PRUNE2: variants seen among roughly 807,000 people sequenced by gnomAD.
PRUNE2 encodes protein prune homolog 2.
Under a neutral mutation model 252.0 loss-of-function variants are expected in PRUNE2, and 164 were observed. The observed-to-expected ratio is 0.65, with a 90% CI of 0.57 to 0.74. The LOEUF is 0.74. Ranked by LOEUF, PRUNE2 falls within the 30% of genes least tolerant of loss-of-function variation. The probability of loss-of-function intolerance (pLI) is 0.00; values close to 1 mark genes in which losing one functional copy is unlikely to be tolerated. For synonymous variants in PRUNE2, 1,292 were observed against 1,350.2 expected (o/e 0.96, Z 0.94); for missense variants, 3,495 against 3,711.0 (o/e 0.94, Z 1.51).
chr9:76,756,852 GC>G (rs922984384), intron 6 of PRUNE2, among the ~76,000 whole-genome samples: 1 of 103,946 alleles, frequency 9.6e-6, no homozygotes, highest in African/African-American at 3.8e-5. Flanking sequence ...CCCGTGCCCT[GC>G]CCCCCCGTGA....
intron 6 of PRUNE2, among the ~76,000 whole-genome samples, chr9:76,794,530 G>A (rs895372464): frequency 2.0e-5 from 3 of 150,496 alleles, no homozygotes; most frequent in African/African-American, 4.9e-5. Flanking sequence ...CAAGAGAATC[G>A]CTTGAATCTC....
chr9:76,721,064 T>A (rs572289639), intron 6 of PRUNE2, among the ~76,000 whole-genome samples: 21 of 152,284 alleles, frequency 1.4e-4, no homozygotes, highest in African/African-American at 4.8e-4. Flanking sequence ...ATCGCACCAC[T>A]GCACTCCAGC....
At chr9:76,880,501 T>C (rs986197955) in intron 1 of PRUNE2, among the ~76,000 whole-genome samples, 1 of 152,208 alleles carries the variant, frequency 6.6e-6, no homozygotes, top group Non-Finnish European at 1.5e-5. Flanking sequence ...ATCTATCAAA[T>C]TATGCTAGTA....
chr9:76,730,213 T>C (rs937611530), intron 6 of PRUNE2, among the ~76,000 whole-genome samples: 1 of 152,220 alleles, frequency 6.6e-6, no homozygotes. Flanking sequence ...GCTGTCAGCA[T>C]TCAGCTAAGG....
intron 1 of PRUNE2, among the ~76,000 whole-genome samples, chr9:76,901,227 C>CA (rs1213932606): frequency 3.9e-5 from 6 of 152,106 alleles, no homozygotes; most frequent in African/African-American, 1.2e-4. Context: ...ACTCCAGGAC[C>CA]AAAAAAATCA....
At chr9:76,852,802 GTCTGTCTA>G (rs1387919808) in intron 2 of PRUNE2, among the ~76,000 whole-genome samples, 91 of 150,490 alleles carry the variant, frequency 6.0e-4, no homozygotes, top group Admixed American at 1.3e-3. Context: ...CCATCTGTCT[GTCTGTCTA>G]TCTATCTATC....
chr9:76,735,011 C>A (rs2048953573), intron 6 of PRUNE2, among the ~76,000 whole-genome samples: 1 of 151,868 alleles, frequency 6.6e-6, no homozygotes, highest in Non-Finnish European at 1.5e-5. Context: ...AAAAGGCAAG[C>A]CCTGGAGCTA....
intron 4 of PRUNE2, among the ~76,000 whole-genome samples, chr9:76,841,696 G>T (rs1341130512): frequency 6.6e-6 from 1 of 152,206 alleles, no homozygotes; most frequent in African/African-American, 2.4e-5. Context: ...TTCAGACTGG[G>T]CAGAGCCCAC....
intron 14 of PRUNE2, 74 bp from the exon 15 acceptor site, chr9:76,636,631 C>T (rs1840181800): frequency 2.5e-6 from 2 of 796,936 alleles, no homozygotes; most frequent in African/African-American, 3.5e-5. Context: ...AAAACATATT[C>T]CTAAATAAGA....
chr9:76,774,450 C>CTTTTTTTATTTTTTTTTTTATT (rs1564272256), intron 6 of PRUNE2, among the ~76,000 whole-genome samples: 1 of 41,400 alleles, frequency 2.4e-5, no homozygotes, highest in Non-Finnish European at 3.9e-5. Context: ...CAGTTCAACC[C>CTTTTTTTATTTTTTTTTTTATT]TTTTTTTTTT....
At chr9:76,640,186 C>T (rs1841969509) in intron 12 of PRUNE2, among the ~76,000 whole-genome samples, 1 of 152,154 alleles carries the variant, frequency 6.6e-6, no homozygotes, top group Admixed American at 6.5e-5. Flanking sequence ...CCTCCCAGAA[C>T]CCAACGTGTT....
rs114028009 is a variant in PRUNE2, at chr9:76,691,887, G to A, written c.8276+11450C>T. ...AAGCTTTTCTAGGATGAGTGGATAC[G>A]GAATAAAATGCAGCTGGCAGCTGTC... On this transcript the variant is annotated intron_variant, in intron 9 of 18. Transcript: ENST00000376718. 2.7e-3 allele frequency: 1,608 copies of A among 586,196 alleles called. 19 individuals carry two copies. The highest frequency in any genetic ancestry group is 0.026 in the African/African-American group (1,367 of 53,078). The allele number at this position is 586,196 out of a possible 1,614,324, so 36.3% of individuals were successfully genotyped here.
chr9:76,829,106 T>C (rs1248642592), intron 4 of PRUNE2, among the ~76,000 whole-genome samples: 3 of 151,882 alleles, frequency 2.0e-5, no homozygotes, highest in African/African-American at 7.3e-5. Flanking sequence ...CTCGCTCTGA[T>C]AGACTGCTTG....
intron 15 of PRUNE2, 150 bp downstream of exon 15, chr9:76,636,321 G>T: frequency 1.7e-6 from 1 of 572,382 alleles, no homozygotes; most frequent in South Asian, 2.4e-5. Context: ...GATTCTTGAT[G>T]AATAGTCCAA....
chr9:76,761,294 T>C (rs1261515202), intron 6 of PRUNE2, among the ~76,000 whole-genome samples: 2 of 152,006 alleles, frequency 1.3e-5, no homozygotes, highest in Non-Finnish European at 2.9e-5. Context: ...TTTTCTTGAG[T>C]CATAATACAC....
At chr9:76,668,876 C>A (rs984689919) in intron 9 of PRUNE2, among the ~76,000 whole-genome samples, 3 of 149,854 alleles carry the variant, frequency 2.0e-5, no homozygotes, top group Admixed American at 6.7e-5. Flanking sequence ...TACTCGCTCA[C>A]AATTCTGGAG....
chr9:76,669,909 T>C (rs964473952), intron 9 of PRUNE2, among the ~76,000 whole-genome samples: 2 of 152,166 alleles, frequency 1.3e-5, no homozygotes, highest in Non-Finnish European at 2.9e-5. Context: ...TAAGAAGCCT[T>C]CAGGGAAGCA....
At chr9:76,756,308 G>A (rs1222102411) in intron 6 of PRUNE2, among the ~76,000 whole-genome samples, 1 of 152,210 alleles carries the variant, frequency 6.6e-6, no homozygotes, top group Middle Eastern at 3.2e-3. Context: ...TAATCTGCAT[G>A]AAAACGTCTC....
intron 12 of PRUNE2, among the ~76,000 whole-genome samples, chr9:76,641,354 T>G (rs958621003): frequency 5.9e-5 from 9 of 152,164 alleles, no homozygotes; most frequent in Admixed American, 3.3e-4. Context: ...ACATGAAAGT[T>G]TTCCTCCAAA....
Sources: allele counts gnomAD v4.1 joint callset (sites outside exome capture counted in the v4.1 genomes callset), GRCh38; gene constraint gnomAD v4.1.1; transcripts MANE v1.5; gene names NCBI Gene and HGNC (gene_info 2026-07-23, HGNC 2026-07-21).